The following PHACTR1 variants were observed in gnomAD, a reference collection of about 807,000 sequenced individuals.
The protein encoded by PHACTR1 is phosphatase and actin regulator 1, also known as RPEL repeat containing 1.
PHACTR1 carries 16 observed loss-of-function variants against 69.2 expected under a neutral mutation model. The ratio of observed to expected loss-of-function variants is 0.23; its 90% confidence interval spans 0.16 to 0.35. The LOEUF (loss-of-function observed/expected upper bound fraction) is 0.35, where lower values mean the gene tolerates loss of function less well. PHACTR1 is among the 10% of genes least tolerant of loss of function. The pLI, the probability that PHACTR1 is intolerant of heterozygous loss-of-function variation, is 1.00. For synonymous variants in PHACTR1, 312 were observed against 284.5 expected (o/e 1.10, Z -0.97); for missense variants, 510 against 734.7 (o/e 0.69, Z 3.54).
At chr6:13,188,395 A>G (rs1195778981) in intron 7 of PHACTR1, among the ~76,000 whole-genome samples, 1 of 152,240 alleles carries the variant, frequency 6.6e-6, no homozygotes, top group African/African-American at 2.4e-5. Context: ...GAATTAATAA[A>G]CTAAGAATTC....
chr6:12,961,936 T>G (rs908990618), intron 4 of PHACTR1, among the ~76,000 whole-genome samples: 6 of 152,142 alleles, frequency 3.9e-5, no homozygotes, highest in Middle Eastern at 3.4e-3. Flanking sequence ...GTTGTTTTTG[T>G]TTTTGGTTTT....
At chr6:12,810,025 C>G (rs1258813621) in intron 4 of PHACTR1, among the ~76,000 whole-genome samples, 1 of 152,148 alleles carries the variant, frequency 6.6e-6, no homozygotes. Flanking sequence ...TTCTTAAAAT[C>G]TGTGTGTAGA....
At chr6:13,011,294 T>C (rs1799421782) in intron 4 of PHACTR1, among the ~76,000 whole-genome samples, 2 of 152,224 alleles carry the variant, frequency 1.3e-5, no homozygotes, top group African/African-American at 4.8e-5. Flanking sequence ...TTGAATTTTA[T>C]TGAATTTTAA....
intron 4 of PHACTR1, among the ~76,000 whole-genome samples, chr6:12,992,800 G>A (rs140781513): frequency 3.9e-5 from 6 of 152,324 alleles, no homozygotes; most frequent in African/African-American, 1.4e-4. Flanking sequence ...GTGGTGAAAT[G>A]CCCGGGGTGG....
intron 4 of PHACTR1, among the ~76,000 whole-genome samples, chr6:12,995,178 C>G (rs368665188): frequency 6.6e-6 from 1 of 151,458 alleles, no homozygotes; most frequent in Non-Finnish European, 1.5e-5. Flanking sequence ...TTTCAGCATT[C>G]TGGGCTTGTT....
intron 4 of PHACTR1, among the ~76,000 whole-genome samples, chr6:12,785,773 T>C (rs997601014): frequency 5.9e-5 from 9 of 152,226 alleles, no homozygotes; most frequent in Non-Finnish European, 1.0e-4. Flanking sequence ...ATTCATTTGT[T>C]TATGTTATAT....
chr6:12,756,939 T>C (rs766039036), intron 4 of PHACTR1, among the ~76,000 whole-genome samples: 2 of 152,204 alleles, frequency 1.3e-5, no homozygotes, highest in Non-Finnish European at 2.9e-5. Flanking sequence ...GACCGTTTTT[T>C]AGGCACTTGA....
At chr6:12,984,912 C>T (rs1265773774) in intron 4 of PHACTR1, among the ~76,000 whole-genome samples, 1 of 152,144 alleles carries the variant, frequency 6.6e-6, no homozygotes, top group Non-Finnish European at 1.5e-5. Flanking sequence ...AATGTAAGAA[C>T]AAAATCTGAG....
chr6:12,956,340 A>G (rs933564075), intron 4 of PHACTR1, among the ~76,000 whole-genome samples: 2 of 152,210 alleles, frequency 1.3e-5, no homozygotes, highest in Non-Finnish European at 2.9e-5. Context: ...TGTTACCCTC[A>G]TTGATTGCCA....
At chr6:12,783,586 C>T (rs1771102205) in intron 4 of PHACTR1, among the ~76,000 whole-genome samples, 1 of 152,028 alleles carries the variant, frequency 6.6e-6, no homozygotes, top group East Asian at 1.9e-4. Context: ...AGCTTTTGAT[C>T]AAATTGTGAA....
intron 4 of PHACTR1, among the ~76,000 whole-genome samples, chr6:12,770,377 A>T (rs1322046034): frequency 6.6e-6 from 1 of 152,184 alleles, no homozygotes; most frequent in African/African-American, 2.4e-5. Flanking sequence ...CATAGTTGAG[A>T]TACAGACAAA....
intron 4 of PHACTR1, among the ~76,000 whole-genome samples, chr6:12,891,305 A>G (rs1397186330): frequency 1.3e-5 from 2 of 152,132 alleles, no homozygotes; most frequent in African/African-American, 4.8e-5. Context: ...AGTGGGTAAC[A>G]TGATGTAGTT....
At chr6:12,986,487 A>G (rs1287054189) in intron 4 of PHACTR1, among the ~76,000 whole-genome samples, 1 of 152,226 alleles carries the variant, frequency 6.6e-6, no homozygotes, top group African/African-American at 2.4e-5. Context: ...TCTTTAGCTC[A>G]CTAGATGAGA....
intron 4 of PHACTR1, among the ~76,000 whole-genome samples, chr6:12,986,653 A>C (rs1796225591): frequency 6.6e-6 from 1 of 152,224 alleles, no homozygotes. Context: ...TGTGCATGCC[A>C]GATAGATGTG....
chr6:13,064,129 T>C (rs993063801), intron 5 of PHACTR1, among the ~76,000 whole-genome samples: 3 of 152,114 alleles, frequency 2.0e-5, no homozygotes, highest in African/African-American at 7.2e-5. Context: ...ATTGTGTCCT[T>C]ATTGATTCTG....
intron 6 of PHACTR1, among the ~76,000 whole-genome samples, chr6:13,160,722 G>C (rs1335624719): frequency 6.6e-6 from 1 of 152,028 alleles, no homozygotes; most frequent in Non-Finnish European, 1.5e-5. Context: ...TTTGCTTTTG[G>C]TGGTCCATCT....
intron 4 of PHACTR1, among the ~76,000 whole-genome samples, chr6:12,932,202 G>A (rs754602494): frequency 4.6e-5 from 7 of 151,956 alleles, no homozygotes; most frequent in African/African-American, 7.3e-5. Context: ...TTATATCTTC[G>A]GAGAGAAGCA....
chr6:13,248,355 C>T (rs961238289), intron 10 of PHACTR1, among the ~76,000 whole-genome samples: 2 of 152,176 alleles, frequency 1.3e-5, no homozygotes, highest in Non-Finnish European at 2.9e-5. Flanking sequence ...CAATGAAAAA[C>T]ATTGTATCAC....
At chr6:13,110,825 A>C (rs867396137) in intron 5 of PHACTR1, among the ~76,000 whole-genome samples, 3 of 152,200 alleles carry the variant, frequency 2.0e-5, no homozygotes, top group South Asian at 2.1e-4. Context: ...CTACTTTTTT[A>C]CAGTCGAAGG....
Sources: allele counts gnomAD v4.1 joint callset (sites outside exome capture counted in the v4.1 genomes callset), GRCh38; gene constraint gnomAD v4.1.1; transcripts MANE v1.5; gene names NCBI Gene and HGNC (gene_info 2026-07-23, HGNC 2026-07-21).